The following CDH12 variants were observed in gnomAD, a reference collection of about 807,000 sequenced individuals.
CDH12 encodes the protein cadherin 12, also known as cadherin-12.
Under a neutral mutation model 74.1 loss-of-function variants are expected in CDH12, and 41 were observed. The observed-to-expected ratio is 0.55, with a 90% CI of 0.43 to 0.72. The LOEUF (loss-of-function observed/expected upper bound fraction) is 0.72. CDH12 is among the 30% of genes least tolerant of loss of function. The pLI is 0.00. For synonymous variants in CDH12, 399 were observed against 355.0 expected, an observed-to-expected ratio of 1.12 and a Z score of -1.39; for missense variants, 945 against 977.2, an observed-to-expected ratio of 0.97 and a Z score of 0.44.
chr5:22,379,534 G>C (rs1264923254), intron 3 of CDH12, among the ~76,000 whole-genome samples: 1 of 152,108 alleles, frequency 6.6e-6, no homozygotes, highest in Non-Finnish European at 1.5e-5. Flanking sequence ...TGAAATAAGA[G>C]AAAGATTACT....
In CDH12 at chr5:21,877,452, A is replaced by C. The variant is rs537314194; in HGVS notation, c.527-22662T>G. On this transcript the variant is annotated intron_variant, in intron 6 of 14. Coordinates refer to ENST00000382254, the MANE Select transcript of CDH12 (RefSeq NM_004061.5). ...TTTATGGAATCTCAGAACCTACAAC[A>C]GAGCTTGGTATATAATAAGTACTTA... Among the ~76,000 whole-genome samples the C allele has an allele frequency of 6.6e-5, 10 of 152,270 alleles. No homozygotes were observed. The East Asian group carries it at 1.9e-3, about 29-fold the overall frequency.
intron 3 of CDH12, among the ~76,000 whole-genome samples, chr5:22,315,184 G>A (rs1336528714): frequency 2.2e-5 from 3 of 133,918 alleles, no homozygotes; most frequent in South Asian, 2.4e-4. Flanking sequence ...GGATGGTCTC[G>A]ATCTCCTGAC....
At chr5:22,739,249 A>G (rs886529750) in intron 1 of CDH12, among the ~76,000 whole-genome samples, 3 of 151,988 alleles carry the variant, frequency 2.0e-5, no homozygotes, top group African/African-American at 7.2e-5. Context: ...TGAATGTATT[A>G]GGGCCTATCT....
intron 6 of CDH12, among the ~76,000 whole-genome samples, chr5:21,893,434 A>T (rs1174777096): frequency 6.6e-6 from 1 of 152,184 alleles, no homozygotes; most frequent in Non-Finnish European, 1.5e-5. Context: ...TTGCAGACAT[A>T]TCTCTTTGTA....
chr5:22,779,773 G>A (rs183560890), intron 1 of CDH12, among the ~76,000 whole-genome samples: 1 of 152,158 alleles, frequency 6.6e-6, no homozygotes, highest in Non-Finnish European at 1.5e-5. Context: ...AGTTTCCTGA[G>A]GCCTCCTCAG....
intron 1 of CDH12, among the ~76,000 whole-genome samples, chr5:22,796,086 A>T (rs1424129144): frequency 6.6e-6 from 1 of 152,162 alleles, no homozygotes; most frequent in African/African-American, 2.4e-5. Context: ...TTTTAAATCT[A>T]TTCACTTATT....
intron 4 of CDH12, among the ~76,000 whole-genome samples, chr5:22,110,641 G>C (rs1048118953): frequency 6.6e-6 from 1 of 152,010 alleles, no homozygotes; most frequent in African/African-American, 2.4e-5. Context: ...CAAAATACCT[G>C]AAAAGATATC....
intron 1 of CDH12, among the ~76,000 whole-genome samples, chr5:22,693,138 A>G (rs901235762): frequency 1.3e-5 from 2 of 151,664 alleles, no homozygotes; most frequent in Non-Finnish European, 2.9e-5. Flanking sequence ...AGCACACACA[A>G]CCTCTTGCAG....
chr5:22,359,843 C>T (rs1419405034), intron 3 of CDH12, among the ~76,000 whole-genome samples: 6 of 151,884 alleles, frequency 4.0e-5, no homozygotes, highest in Non-Finnish European at 7.4e-5. Context: ...GGGTACGTAA[C>T]GAAATGAAGG....
At chr5:22,205,829 G>C (rs1299356029) in intron 4 of CDH12, among the ~76,000 whole-genome samples, 1 of 152,058 alleles carries the variant, frequency 6.6e-6, no homozygotes, top group Non-Finnish European at 1.5e-5. Context: ...AGGGAGACTG[G>C]AGAAGCAATG....
chr5:22,445,118 C>T (rs1224599202), intron 2 of CDH12, among the ~76,000 whole-genome samples: 1 of 151,970 alleles, frequency 6.6e-6, no homozygotes, highest in Non-Finnish European at 1.5e-5. Flanking sequence ...GCACACACCC[C>T]AAATACTTTG....
chr5:22,138,957 T>C (rs555752687), intron 4 of CDH12, among the ~76,000 whole-genome samples: 1 of 148,754 alleles, frequency 6.7e-6, no homozygotes, highest in Non-Finnish European at 1.5e-5. Flanking sequence ...TCATGCTTAA[T>C]ATAAATTCAA....
rs749988014 is a variant in CDH12, at chr5:22,506,056, G to A, written c.-522-692C>T. On this transcript the variant is annotated intron_variant, in intron 1 of 14. Coordinates refer to ENST00000382254, the MANE Select transcript of CDH12 (RefSeq NM_004061.5). ...TTGCTGTTGATGCAGATCTTGATCA[G>A]CTGACTGGGGTACTTATTTCTGTTT... is the stretch of plus-strand genomic sequence containing the variant. 1.4e-4 allele frequency among the ~76,000 whole-genome samples: 21 copies of A among 152,224 alleles called. No individual in the cohort carries two copies. In the Middle Eastern group the frequency reaches 0.017, roughly 123 times the overall value.
intron 5 of CDH12, among the ~76,000 whole-genome samples, chr5:22,037,095 C>T (rs938010624): frequency 1.4e-4 from 22 of 152,124 alleles, no homozygotes; most frequent in African/African-American, 5.1e-4. Flanking sequence ...TTAACGTAGA[C>T]ATAAGAAAAT....
chr5:22,845,130 C>T (rs931715770), intron 1 of CDH12, among the ~76,000 whole-genome samples: 2 of 152,042 alleles, frequency 1.3e-5, no homozygotes, highest in Admixed American at 6.6e-5. Flanking sequence ...AACCAATATT[C>T]ATCCATATTA....
chr5:22,411,838 C>A lies in CDH12; in HGVS notation c.-427-6487G>T, dbSNP rs558569420. On this transcript the variant is annotated intron_variant, in intron 2 of 14. Transcript: ENST00000382254. ...AGGTTTGTGTGAATTTTTATGAATA[C>A]TTCAGAGACTACCTCATCAATTTCT... is the stretch of plus-strand genomic sequence containing the variant. Among the ~76,000 whole-genome samples, 184 of 152,100 alleles carry A rather than the reference C, an allele frequency of 1.2e-3. No individual in the cohort carries two copies. The Middle Eastern group carries it at 0.014, about 11-fold the overall frequency.
intron 1 of CDH12, among the ~76,000 whole-genome samples, chr5:22,809,751 T>C (rs947289351): frequency 1.3e-5 from 2 of 151,976 alleles, no homozygotes; most frequent in Admixed American, 1.3e-4. Context: ...ACAAAACCTC[T>C]TTTTTTAAGC....
rs141934164 is a variant in CDH12, at chr5:22,016,560, A to G, written c.232-41175T>C. On this transcript the variant is annotated intron_variant, in intron 5 of 14. Coordinates refer to ENST00000382254, the MANE Select transcript of CDH12 (RefSeq NM_004061.5). ...ACAGGAATGTCCAGCTAACTTCTGTATTTTTAGTAGAGATGGGGTTTCACC... is the reference window on the plus strand; with the variant it reads ...ACAGGAATGTCCAGCTAACTTCTGTGTTTTTAGTAGAGATGGGGTTTCACC... Among the ~76,000 whole-genome samples the G allele has an allele frequency of 1.2e-3, 185 of 151,854 alleles. 1 individual carries two copies. Among genetic ancestry groups the G allele is most frequent in the African/African-American group, 4.2e-3 (173 of 41,374 alleles).
intron 1 of CDH12, among the ~76,000 whole-genome samples, chr5:22,709,167 T>C (rs537011954): frequency 4.3e-4 from 66 of 152,290 alleles, no homozygotes; most frequent in African/African-American, 1.5e-3. Flanking sequence ...CCACAAATTC[T>C]GAGAACTGCT....
Sources: allele counts gnomAD v4.1 joint callset (sites outside exome capture counted in the v4.1 genomes callset), GRCh38; gene constraint gnomAD v4.1.1; transcripts MANE v1.5; gene names NCBI Gene and HGNC (gene_info 2026-07-23, HGNC 2026-07-21).